TCF12: variants seen among roughly 807,000 people sequenced by gnomAD.
The protein encoded by TCF12 is DNA-binding protein HTF4.
Under a neutral mutation model 86.0 loss-of-function variants are expected in TCF12, and 45 were observed. The observed-to-expected ratio is 0.52, with a 90% confidence interval of 0.41 to 0.67. The LOEUF is 0.67. TCF12 is among the 30% of genes least tolerant of loss of function. TCF12 has a pLI of 0.00. For missense variants in TCF12, 881 were observed against 859.9 expected (o/e 1.02, Z -0.31); for synonymous variants, 330 against 299.6 (o/e 1.10, Z -1.05).
intron 13 of TCF12, 80 bp from the exon 14 acceptor site, chr15:57,251,270 G>A (rs1486581556): frequency 1.0e-5 from 12 of 1,180,056 alleles, no homozygotes; most frequent in Admixed American, 1.9e-5. Flanking sequence ...TAGTTATTGA[G>A]TATCTTTACC....
At chr15:57,215,944 T>C (rs16977312) in intron 8 of TCF12, among the ~76,000 whole-genome samples, 7,728 of 152,138 alleles carry the variant, frequency 0.051, 557 homozygotes, top group African/African-American at 0.16. Flanking sequence ...AGAGGGAAAT[T>C]TTGCCTGGAA....
At chr15:57,100,734 C>T (rs1443109995) in intron 5 of TCF12, among the ~76,000 whole-genome samples, 1 of 152,040 alleles carries the variant, frequency 6.6e-6, no homozygotes, top group African/African-American at 2.4e-5. Context: ...TACTTACTCC[C>T]CATACCCTGA....
chr15:57,208,708 A>T (rs368123651), intron 8 of TCF12, among the ~76,000 whole-genome samples: 1 of 150,044 alleles, frequency 6.7e-6, no homozygotes, highest in African/African-American at 2.5e-5. Flanking sequence ...CTTAAAAAAA[A>T]ATTTTTTTTT....
chr15:56,999,655 C>G (rs1451014296), intron 3 of TCF12, among the ~76,000 whole-genome samples: 1 of 152,086 alleles, frequency 6.6e-6, no homozygotes, highest in African/African-American at 2.4e-5. Flanking sequence ...GAGGGGATCA[C>G]TTGAGGTCAG....
chr15:56,995,716 G>T (rs999184496), intron 3 of TCF12, among the ~76,000 whole-genome samples: 1 of 151,978 alleles, frequency 6.6e-6, no homozygotes, highest in Admixed American at 6.6e-5. Flanking sequence ...GGTTTTTTAG[G>T]TATAGAATCA....
At chr15:57,137,586 T>A (rs1272586477) in intron 5 of TCF12, among the ~76,000 whole-genome samples, 1 of 152,240 alleles carries the variant, frequency 6.6e-6, no homozygotes, top group Non-Finnish European at 1.5e-5. Context: ...GATATTTGGT[T>A]GTGGTGGCAT....
rs1013699952 is a variant in TCF12, at chr15:57,282,609, G to T, written c.*11+11G>T. 7 of 1,600,378 alleles carry T rather than the reference G, an allele frequency of 4.4e-6. No homozygotes were observed. In the South Asian group the frequency reaches 5.7e-5, roughly 13 times the overall value. On this transcript the variant is annotated intron_variant, in intron 20 of 20. Coordinates refer to ENST00000333725, the MANE Select transcript of TCF12 (RefSeq NM_207037.2). ...GTAAACATCAGCCAGGTAAGTACGG[G>T]TTTGAAAAGAAACAGCAAGGAAATA...
At chr15:57,187,035 G>T (rs1388349127) in intron 6 of TCF12, among the ~76,000 whole-genome samples, 1 of 152,068 alleles carries the variant, frequency 6.6e-6, no homozygotes, top group Admixed American at 6.5e-5. Flanking sequence ...ACAAAAATTA[G>T]CCAGGCGTGG....
intron 5 of TCF12, among the ~76,000 whole-genome samples, chr15:57,164,112 G>A (rs1407499435): frequency 1.3e-5 from 2 of 152,052 alleles, no homozygotes; most frequent in Non-Finnish European, 2.9e-5. Context: ...TAGTTACTGA[G>A]CCTCAAAAAT....
At chr15:57,016,979 T>C (rs2065188875) in intron 3 of TCF12, among the ~76,000 whole-genome samples, 1 of 152,138 alleles carries the variant, frequency 6.6e-6, no homozygotes, top group South Asian at 2.1e-4. Context: ...CTCATCCGTG[T>C]TGCTGTCATG....
intron 16 of TCF12, among the ~76,000 whole-genome samples, chr15:57,261,125 G>T (rs1165464041): frequency 6.6e-6 from 1 of 152,232 alleles, no homozygotes; most frequent in East Asian, 1.9e-4. Flanking sequence ...ACCCAAGGGA[G>T]TAGTGACACA....
In TCF12 at chr15:57,150,873, CCCTTCCTTCCTTCCTTCCTT is replaced by C. The variant is rs374734642; in HGVS notation, c.326-15483_326-15464del. On this transcript the variant is annotated intron_variant, in intron 5 of 20. Coordinates refer to ENST00000333725, the MANE Select transcript of TCF12 (RefSeq NM_207037.2). Reference sequence around the variant, plus strand: ...TCCCTCCCTGTCTCTCCCCCTCTGTCCCTTCCTTCCTTCCTTCCTTCCTTCCTTCCTTCCTTCCTTCCTTC... The same window carrying C: ...TCCCTCCCTGTCTCTCCCCCTCTGTCCCTTCCTTCCTTCCTTCCTTCCTTC... Among the ~76,000 whole-genome samples the C allele has an allele frequency of 3.7e-3, 149 of 40,676 alleles. 2 individuals carry two copies. Among genetic ancestry groups the C allele is most frequent in the African/African-American group, 0.01 (134 of 13,062 alleles). The allele number at this position is 40,676 out of a possible 152,430, so 26.7% of individuals were successfully genotyped here. A position where few individuals can be genotyped will look rare whatever the true frequency, so the allele number is the denominator to read the frequency against.
chr15:57,160,151 C>T (rs1056395399), intron 5 of TCF12, among the ~76,000 whole-genome samples: 15 of 152,174 alleles, frequency 9.9e-5, no homozygotes, highest in Non-Finnish European at 2.1e-4. Context: ...CTAATCTGCT[C>T]TGAGGTTGCT....
chr15:56,930,367 G>A (rs1213618166), intron 3 of TCF12, among the ~76,000 whole-genome samples: 1 of 152,206 alleles, frequency 6.6e-6, no homozygotes, highest in African/African-American at 2.4e-5. Flanking sequence ...GCTTATATGG[G>A]CACTTGTGCC....
At position 57,287,540 on chromosome 15, in the gene TCF12, A is replaced by G. The variant is rs2061971982; in HGVS notation, c.*1395A>G. 1 of 152,676 alleles carries G rather than the reference A, an allele frequency of 6.5e-6. No homozygotes were observed. Among genetic ancestry groups the G allele is most frequent in the African/African-American group, 2.4e-5 (1 of 41,452 alleles). 9.5% of individuals were successfully genotyped at this position (152,676 alleles called of 1,614,324 possible). ...ATCCTTAGGAGTTGTTTTAAAAGAC[A>G]TAATCACTTTGAACTTCCATGAAAC... On this transcript the variant is annotated 3_prime_UTR_variant, in exon 21 of 21. Coordinates refer to ENST00000333725, the MANE Select transcript of TCF12 (RefSeq NM_207037.2).
At chr15:57,106,523 G>A (rs1449139722) in intron 5 of TCF12, among the ~76,000 whole-genome samples, 4 of 152,282 alleles carry the variant, frequency 2.6e-5, no homozygotes, top group East Asian at 1.9e-4. Context: ...GAGAACTCCC[G>A]GCAGGCAGAA....
At position 56,939,908 on chromosome 15, in the gene TCF12, G is replaced by A. The variant is rs188418742; in HGVS notation, c.148+18810G>A. 5.2e-4 allele frequency among the ~76,000 whole-genome samples: 78 copies of A among 150,492 alleles called. 1 individual carries two copies. In the Middle Eastern group the frequency reaches 0.024, roughly 47 times the overall value. ...GTTGTATGTGAAAACAGCTGGTTCT[G>A]TAGAACCACAGTCAGCTCTAGCTCT... On this transcript the variant is annotated intron_variant, in intron 3 of 20. Coordinates refer to ENST00000333725, the MANE Select transcript of TCF12 (RefSeq NM_207037.2).
At chr15:57,282,845 G>C (rs1406667402) in intron 20 of TCF12, among the ~76,000 whole-genome samples, 3 of 152,186 alleles carry the variant, frequency 2.0e-5, no homozygotes, top group Non-Finnish European at 2.9e-5. Context: ...TCTGTTCGGA[G>C]TCATCATGTG....
intron 12 of TCF12, among the ~76,000 whole-genome samples, chr15:57,236,736 A>G (rs1566963395): frequency 6.6e-6 from 1 of 152,136 alleles, no homozygotes; most frequent in Non-Finnish European, 1.5e-5. Flanking sequence ...TTAAGCCTGC[A>G]TAATTGTGGT....
Sources: allele counts gnomAD v4.1 joint callset (sites outside exome capture counted in the v4.1 genomes callset), GRCh38; gene constraint gnomAD v4.1.1; transcripts MANE v1.5; gene names NCBI Gene and HGNC (gene_info 2026-07-23, HGNC 2026-07-21).